SPADH: variants seen among roughly 807,000 people sequenced by gnomAD.
SPADH encodes the protein CUB domain-containing protein.
the SPADH span, chr10:122,676,606 G>A: frequency 1.7e-4 from 73 of 419,386 alleles, no homozygotes; most frequent in Non-Finnish European, 2.3e-4. Flanking sequence ...TGTTTGTGGA[G>A]CCATCAGACT....
chr10:122,678,571 G>GA, the SPADH span, among the ~76,000 whole-genome samples: 160 of 152,298 alleles, frequency 1.1e-3, no homozygotes, highest in African/African-American at 3.8e-3. Context: ...TAGGGCCATG[G>GA]GCTGGGCTCC....
At chr10:122,673,414 C>T in the SPADH span, among the ~76,000 whole-genome samples, 10 of 152,248 alleles carry the variant, frequency 6.6e-5, no homozygotes, top group South Asian at 4.1e-4. Flanking sequence ...ATCTGCCCAG[C>T]GGGTTGTCAC....
chr10:122,675,023 G>C, the SPADH span, among the ~76,000 whole-genome samples: 2 of 152,210 alleles, frequency 1.3e-5, no homozygotes, highest in Non-Finnish European at 2.9e-5. Context: ...TGTGTGCAGG[G>C]CTGGCTTGGA....
At chr10:122,676,992 G>A in the SPADH span, 1 of 792,210 alleles carries the variant, frequency 1.3e-6, no homozygotes, top group Non-Finnish European at 1.5e-6. Flanking sequence ...ATCCATGACA[G>A]CCATTTGACA....
chr10:122,675,832 C>T, the SPADH span, among the ~76,000 whole-genome samples: 1 of 152,212 alleles, frequency 6.6e-6, no homozygotes, highest in East Asian at 1.9e-4. Context: ...CGCTAATTCC[C>T]CCTCCCACCC....
At chr10:122,677,452 T>G in the SPADH span, among the ~76,000 whole-genome samples, 2 of 152,222 alleles carry the variant, frequency 1.3e-5, no homozygotes, top group African/African-American at 2.4e-5. Context: ...ATATTACTCT[T>G]GGCTATGACT....
the SPADH span, chr10:122,678,838 C>T: frequency 1.0e-6 from 1 of 975,316 alleles, no homozygotes; most frequent in South Asian, 4.8e-5. Flanking sequence ...GCCTTTTCTT[C>T]TGACCCAGAG....
chr10:122,678,653 A>G, the SPADH span, among the ~76,000 whole-genome samples: 1 of 152,042 alleles, frequency 6.6e-6, no homozygotes, highest in Non-Finnish European at 1.5e-5. Flanking sequence ...TTCTGGGAAG[A>G]TGGAGGGGGT....
the SPADH span, chr10:122,673,030 C>T: frequency 2.4e-5 from 13 of 548,022 alleles, no homozygotes; most frequent in African/African-American, 2.5e-4. Flanking sequence ...AAGCCCATGG[C>T]TGATTAGCTG....
the SPADH span, among the ~76,000 whole-genome samples, chr10:122,674,297 C>A: frequency 6.6e-6 from 1 of 152,206 alleles, no homozygotes; most frequent in Non-Finnish European, 1.5e-5. Context: ...ATTACTAAAG[C>A]TCCCTGGAGT....
chr10:122,676,993 C>A, the SPADH span: 2 of 771,962 alleles, frequency 2.6e-6, no homozygotes, highest in Non-Finnish European at 3.1e-6. Flanking sequence ...TCCATGACAG[C>A]CATTTGACAC....
chr10:122,676,958 C>T, the SPADH span: 3 of 962,654 alleles, frequency 3.1e-6, no homozygotes, highest in East Asian at 3.4e-4. Flanking sequence ...CCATCTTGAC[C>T]TCATATGGTT....
the SPADH span, among the ~76,000 whole-genome samples, chr10:122,674,062 A>G: frequency 1.3e-5 from 2 of 152,362 alleles, no homozygotes; most frequent in Non-Finnish European, 2.9e-5. Flanking sequence ...TATGCTTGAC[A>G]TTTGGTTTCC....
chr10:122,678,399 G>A, the SPADH span, among the ~76,000 whole-genome samples: 3 of 152,204 alleles, frequency 2.0e-5, no homozygotes, highest in Non-Finnish European at 4.4e-5. Context: ...GGAAAGGAAG[G>A]CAGGAACCAG....
chr10:122,672,911 G>T, the SPADH span: 3 of 985,444 alleles, frequency 3.0e-6, no homozygotes, highest in Non-Finnish European at 3.6e-6. Context: ...TCGCTTGGCC[G>T]CTGCTGTGCA....
At chr10:122,678,044 G>A in the SPADH span, among the ~76,000 whole-genome samples, 5 of 152,290 alleles carry the variant, frequency 3.3e-5, no homozygotes, top group South Asian at 1.0e-3. Context: ...TTGGCACCAA[G>A]GAGGGACACA....
chr10:122,672,886 G>A, the SPADH span: 1 of 985,350 alleles, frequency 1.0e-6, no homozygotes, highest in Non-Finnish European at 1.2e-6. Flanking sequence ...CTGAGGATGA[G>A]GCTGTCCAGA....
chr10:122,676,996 T>A, the SPADH span: 1 of 772,596 alleles, frequency 1.3e-6, no homozygotes, highest in Non-Finnish European at 1.6e-6. Context: ...ATGACAGCCA[T>A]TTGACACACA....
chr10:122,679,084 C>G, the SPADH span: 6 of 887,858 alleles, frequency 6.8e-6, no homozygotes, highest in Non-Finnish European at 6.7e-6. Flanking sequence ...TGCTGATGCT[C>G]CCCTGCTCTG....
Sources: allele counts gnomAD v4.1 joint callset (sites outside exome capture counted in the v4.1 genomes callset), GRCh38; gene constraint gnomAD v4.1.1; transcripts MANE v1.5; gene names NCBI Gene and HGNC (gene_info 2026-07-23, HGNC 2026-07-21).